The following BCKDHB variants were observed in gnomAD, a reference collection of about 807,000 sequenced individuals.
The protein encoded by BCKDHB is branched chain keto acid dehydrogenase E1 subunit beta.
In BCKDHB, 41 loss-of-function variants were observed where a neutral mutation model predicts 48.5. The observed-to-expected ratio is 0.85, with a 90% CI of 0.66 to 1.10. BCKDHB has a LOEUF of 1.10. BCKDHB is among the 50% of genes least tolerant of loss of function. The probability of loss-of-function intolerance (pLI) is 0.00; values close to 1 mark genes in which losing one functional copy is unlikely to be tolerated. For missense variants in BCKDHB, 496 were observed against 494.2 expected (o/e 1.00, Z -0.03); for synonymous variants, 201 against 174.8 (o/e 1.15, Z -1.18).
intron 1 of BCKDHB, among the ~76,000 whole-genome samples, chr6:80,108,658 G>A (rs113595252): frequency 5.9e-5 from 9 of 151,612 alleles, no homozygotes; most frequent in African/African-American, 2.2e-4. Flanking sequence ...TCAAGAGATC[G>A]AGACCATCCT....
At position 80,322,238 on chromosome 6, in the gene BCKDHB, C is replaced by CTT. The variant is rs776940885; in HGVS notation, c.1039-21410_1039-21409dup. 7.0e-3 allele frequency among the ~76,000 whole-genome samples: 822 copies of CTT among 116,612 alleles called. 23 individuals are homozygous for CTT. Among genetic ancestry groups the CTT allele is most frequent in the Non-Finnish European group, 9.3e-3 (554 of 59,468 alleles). The allele number at this position is 116,612 out of a possible 152,430, so 76.5% of individuals were successfully genotyped here. A position where few individuals can be genotyped will look rare whatever the true frequency, so the allele number is the denominator to read the frequency against. On this transcript the variant is annotated intron_variant, in intron 9 of 9. Transcript: ENST00000320393. ...CATAGGCGTTTTCTTTCTTTCTTTT[C>CTT]TTTTTTTTTTTTTTTTTGGTGACGG...
chr6:80,254,622 C>T (rs1776973303), intron 8 of BCKDHB, among the ~76,000 whole-genome samples: 1 of 152,122 alleles, frequency 6.6e-6, no homozygotes, highest in African/African-American at 2.4e-5. Flanking sequence ...ATTACTTGAG[C>T]CCAGGAGTTC....
chr6:80,110,389 T>C (rs910515575), intron 1 of BCKDHB, among the ~76,000 whole-genome samples: 2 of 152,176 alleles, frequency 1.3e-5, no homozygotes, highest in African/African-American at 4.8e-5. Context: ...AAATTCAAAC[T>C]TTTTGTAGTT....
the BCKDHB span, among the ~76,000 whole-genome samples, chr6:80,448,066 G>A: frequency 2.6e-5 from 4 of 152,094 alleles, no homozygotes; most frequent in African/African-American, 4.8e-5. Context: ...TTAAACGGAG[G>A]TGCTGGGATT....
chr6:80,226,516 A>T (rs1190434488), intron 8 of BCKDHB, among the ~76,000 whole-genome samples: 1 of 152,210 alleles, frequency 6.6e-6, no homozygotes, highest in Non-Finnish European at 1.5e-5. Context: ...ACTGGTGAAA[A>T]TGAAAATGGT....
chr6:80,196,599 G>A (rs921881282), intron 6 of BCKDHB, among the ~76,000 whole-genome samples: 3 of 152,040 alleles, frequency 2.0e-5, no homozygotes, highest in African/African-American at 7.2e-5. Context: ...TATTGAGTAT[G>A]CAGCAACTAT....
the BCKDHB span, among the ~76,000 whole-genome samples, chr6:80,394,669 A>G: frequency 6.6e-6 from 1 of 152,142 alleles, no homozygotes; most frequent in African/African-American, 2.4e-5. Flanking sequence ...AAACCAAGCC[A>G]TTTTTACTAG....
intron 1 of BCKDHB, among the ~76,000 whole-genome samples, chr6:80,120,270 A>G (rs573818509): frequency 6.6e-6 from 1 of 152,112 alleles, no homozygotes; most frequent in African/African-American, 2.4e-5. Flanking sequence ...ATTGATAGAC[A>G]TTTGGGTTGG....
intron 8 of BCKDHB, among the ~76,000 whole-genome samples, chr6:80,238,717 A>C (rs1485857894): frequency 6.6e-6 from 1 of 151,632 alleles, no homozygotes; most frequent in East Asian, 1.9e-4. Flanking sequence ...CGTCATTTAC[A>C]TTAGGTGTAT....
intron 8 of BCKDHB, among the ~76,000 whole-genome samples, chr6:80,238,749 C>G (rs932633865): frequency 7.9e-5 from 10 of 125,814 alleles, no homozygotes; most frequent in Non-Finnish European, 1.1e-4. Context: ...ATCCCTCCCC[C>G]CTCCTCCCAT....
chr6:80,246,612 A>G (rs1776626051), intron 8 of BCKDHB, among the ~76,000 whole-genome samples: 2 of 152,170 alleles, frequency 1.3e-5, no homozygotes, highest in African/African-American at 4.8e-5. Flanking sequence ...GGCAGTGTAA[A>G]GCTTTCAGCT....
chr6:80,255,772 C>T (rs1313192057), intron 8 of BCKDHB, among the ~76,000 whole-genome samples: 3 of 152,118 alleles, frequency 2.0e-5, no homozygotes, highest in African/African-American at 7.2e-5. Context: ...GCCTCCTGAG[C>T]ATAAAGAATA....
chr6:80,339,632 C>G (rs1769789428), intron 9 of BCKDHB, among the ~76,000 whole-genome samples: 1 of 152,122 alleles, frequency 6.6e-6, no homozygotes, highest in Non-Finnish European at 1.5e-5. Context: ...GTTCCCACTA[C>G]CCAGGACCAT....
intron 6 of BCKDHB, among the ~76,000 whole-genome samples, chr6:80,188,967 GATTATTTAGAATTATTTACA>G (rs1773773062): frequency 6.6e-6 from 1 of 152,110 alleles, no homozygotes; most frequent in Admixed American, 6.5e-5. Context: ...GACTCTTACA[GATTATTTAGAATTATTTACA>G]ACATATTCTA....
chr6:80,158,880 A>G (rs1379447062), intron 3 of BCKDHB, among the ~76,000 whole-genome samples: 2 of 152,208 alleles, frequency 1.3e-5, no homozygotes, highest in Non-Finnish European at 2.9e-5. Flanking sequence ...TTCATGCATC[A>G]TAGTGTTCAC....
chr6:80,200,062 TCAAA>T (rs1774316061), intron 6 of BCKDHB, among the ~76,000 whole-genome samples: 1 of 38,430 alleles, frequency 2.6e-5, no homozygotes, highest in African/African-American at 1.8e-4. Flanking sequence ...AGACCCTGTC[TCAAA>T]AAAAAAAAAA....
chr6:80,189,606 A>G (rs979540199), intron 6 of BCKDHB, among the ~76,000 whole-genome samples: 1 of 152,136 alleles, frequency 6.6e-6, no homozygotes, highest in Non-Finnish European at 1.5e-5. Context: ...TCTACACTAT[A>G]TATATAACTG....
rs1770151494 is a variant in BCKDHB at position 80,345,413 on chromosome 6, T to TA, written c.*1612dup. On this transcript the variant is annotated 3_prime_UTR_variant, in exon 10 of 10. Transcript: ENST00000320393. ...ATTCTTGACTTTTGTGTATGGGTAG[T>TA]AAATCTAGCTCACTGAAAATCAGAG... 1 of 152,226 alleles carries TA rather than the reference T, an allele frequency of 6.6e-6. No homozygotes were observed. The highest frequency in any genetic ancestry group is 2.4e-5 in the African/African-American group (1 of 41,470). The allele number at this position is 152,226 out of a possible 1,614,324, so 9.4% of individuals were successfully genotyped here.
Position 80,150,787 on chromosome 6 carries a change from C to G in BCKDHB, c.344-16891C>G, listed in dbSNP as rs544908593. ...GGCCACACTGGTCTTTTTCTCCTGA[C>G]CTCAGGTGACCAGCCTGCCTTAGCC... On this transcript the variant is annotated intron_variant, in intron 3 of 9. Coordinates refer to ENST00000320393, the MANE Select transcript of BCKDHB (RefSeq NM_183050.4). Among the ~76,000 whole-genome samples, 32 of 152,010 alleles carry G rather than the reference C, an allele frequency of 2.1e-4. No individual in the cohort carries two copies. The South Asian group carries it at 6.5e-3, about 31-fold the overall frequency.
Sources: allele counts gnomAD v4.1 joint callset (sites outside exome capture counted in the v4.1 genomes callset), GRCh38; gene constraint gnomAD v4.1.1; transcripts MANE v1.5; gene names NCBI Gene and HGNC (gene_info 2026-07-23, HGNC 2026-07-21).